Variants in SORT1 observed in about 807,000 individuals in gnomAD.
The protein encoded by SORT1 is sortilin 1, also known as sortilin.
Under a neutral mutation model 101.7 loss-of-function variants are expected in SORT1, and 39 were observed. The ratio of observed to expected loss-of-function variants is 0.38; its 90% CI spans 0.30 to 0.50. The LOEUF (loss-of-function observed/expected upper bound fraction) is 0.50, where lower values mean the gene tolerates loss of function less well. SORT1 is among the 20% of genes least tolerant of loss of function. The pLI is 0.90. For missense variants in SORT1, 878 were observed against 1,040.4 expected (o/e 0.84, Z 2.15); for synonymous variants, 396 against 393.7 (o/e 1.01, Z -0.07).
At chr1:109,361,721 T>C (rs777955629) in intron 3 of SORT1, among the ~76,000 whole-genome samples, 1 of 152,230 alleles carries the variant, frequency 6.6e-6, no homozygotes, top group Non-Finnish European at 1.5e-5. Flanking sequence ...TCATTATTCA[T>C]GGATTCTATA....
chr1:109,335,106 G>A (rs966070850), intron 11 of SORT1, among the ~76,000 whole-genome samples: 6 of 152,120 alleles, frequency 3.9e-5, no homozygotes, highest in African/African-American at 1.4e-4. Context: ...GAATAGTGTG[G>A]GTGTTCAGGG....
chr1:109,360,028 C>T (rs1001080681), intron 3 of SORT1, among the ~76,000 whole-genome samples: 1 of 152,044 alleles, frequency 6.6e-6, no homozygotes, highest in Non-Finnish European at 1.5e-5. Flanking sequence ...ATGGAAAAGA[C>T]GAAAGGTGAC....
At chr1:109,326,759 A>T (rs554904795) in intron 13 of SORT1, 134 of 366,096 alleles carry the variant, frequency 3.7e-4, no homozygotes, top group Non-Finnish European at 5.3e-4. Flanking sequence ...CCCAACCCAG[A>T]AAGAATGTTT....
At chr1:109,374,669 G>A (rs757939667) in intron 1 of SORT1, among the ~76,000 whole-genome samples, 3 of 151,534 alleles carry the variant, frequency 2.0e-5, no homozygotes, top group Non-Finnish European at 4.4e-5. Flanking sequence ...GAAATGAAAA[G>A]TACACTGGAT....
intron 1 of SORT1, chr1:109,392,766 T>A (rs1051823814): frequency 1.0e-6 from 1 of 984,704 alleles, no homozygotes; most frequent in African/African-American, 1.7e-5. Context: ...TTAACATCCC[T>A]CTAGGGGCTA....
intron 9 of SORT1, among the ~76,000 whole-genome samples, chr1:109,341,341 T>G (rs1299470923): frequency 6.6e-6 from 1 of 151,956 alleles, no homozygotes; most frequent in Non-Finnish European, 1.5e-5. Flanking sequence ...AAACAAAATA[T>G]ATGCCCCTAA....
chr1:109,317,835 G>C lies in SORT1; in HGVS notation c.2141+18C>G. 1 of 1,490,674 alleles carries C rather than the reference G, an allele frequency of 6.7e-7. No homozygotes were observed. Among genetic ancestry groups the C allele is most frequent in the Non-Finnish European group, 9.4e-7 (1 of 1,069,100 alleles). 92.3% of individuals were successfully genotyped at this position (1,490,674 alleles called of 1,614,324 possible). On this transcript the variant is annotated intron_variant, in intron 16 of 19. Transcript: ENST00000256637. ...GAACACCTCATCCATCGTGACAAGG[G>C]AGAAAAGGCCACCTCACCCATTTGT...
intron 10 of SORT1, 42 bp downstream of exon 10, chr1:109,340,682 G>A: frequency 6.2e-7 from 1 of 1,605,936 alleles, no homozygotes; most frequent in Non-Finnish European, 8.5e-7. Context: ...CCTACCACAT[G>A]CAGCTGAAGG....
At chr1:109,353,660 C>T (rs1650113749) in intron 5 of SORT1, among the ~76,000 whole-genome samples, 1 of 152,158 alleles carries the variant, frequency 6.6e-6, no homozygotes, top group African/African-American at 2.4e-5. Context: ...AAGGGATGTG[C>T]CTCTTGAACT....
Position 109,323,103 on chromosome 1 carries a change from G to C in SORT1, c.1853C>G (p.Thr618Ser), listed in dbSNP as rs1647750712. 6.2e-7 allele frequency: 1 copy of C among 1,613,782 alleles called. No individual in the cohort carries two copies. Among genetic ancestry groups the C allele is most frequent in the Non-Finnish European group, 8.5e-7 (1 of 1,179,796 alleles). ...LERNCEEKDY[T>S]IWLAHSTDPE... ...GTCTGTGGAGTGTGCCAGCCATATG[G>C]TATAGTCCTTCTCTTCACCTAAAGG... The change falls in exon 15 of 20, where the codon ACC becomes AGC. Residue 618 changes from threonine (T) to serine (S), a missense_variant. Coordinates refer to ENST00000256637, the MANE Select transcript of SORT1 (RefSeq NM_002959.7).
chr1:109,317,290 G>T (rs1263809977), intron 16 of SORT1, among the ~76,000 whole-genome samples: 1 of 152,204 alleles, frequency 6.6e-6, no homozygotes, highest in African/African-American at 2.4e-5. Context: ...GCGAGGTAAT[G>T]AGGCCCGTCT....
At position 109,395,973 on chromosome 1, in the gene SORT1, A is replaced by C. The variant is rs371432914; in HGVS notation, c.306+1614T>G. On this transcript the variant is annotated intron_variant, in intron 1 of 19. Transcript: ENST00000256637. ...GGTGCATGTACCAGTAGTCCCGGCT[A>C]CTTGGGAGGCTGAGGTGAGAGGATC... Among the ~76,000 whole-genome samples, 10 of 152,182 alleles carry C rather than the reference A, an allele frequency of 6.6e-5. No homozygotes were observed. The East Asian group carries it at 1.9e-3, about 29-fold the overall frequency.
At chr1:109,334,904 T>C (rs1442341979) in intron 11 of SORT1, among the ~76,000 whole-genome samples, 1 of 152,170 alleles carries the variant, frequency 6.6e-6, no homozygotes, top group Non-Finnish European at 1.5e-5. Flanking sequence ...GGGTTCAAAA[T>C]GGCTAAAATG....
intron 1 of SORT1, among the ~76,000 whole-genome samples, chr1:109,390,983 A>G (rs1486446680): frequency 6.6e-6 from 1 of 152,094 alleles, no homozygotes; most frequent in Non-Finnish European, 1.5e-5. Flanking sequence ...CTGACCATCT[A>G]TTTTCAAACA....
intron 7 of SORT1, among the ~76,000 whole-genome samples, chr1:109,346,897 A>C (rs1346322354): frequency 6.6e-6 from 1 of 152,092 alleles, no homozygotes; most frequent in Non-Finnish European, 1.5e-5. Flanking sequence ...GCTGTCCTTG[A>C]ACTTCTGGGC....
intron 2 of SORT1, 56 bp downstream of exon 2, chr1:109,369,474 A>T: frequency 8.7e-7 from 1 of 1,148,390 alleles, no homozygotes; most frequent in Non-Finnish European, 1.3e-6. Flanking sequence ...ACCCTTCCCC[A>T]AATCTGTTAT....
At chr1:109,314,430 T>G (rs570034626) in intron 18 of SORT1, 46 bp from the exon 19 acceptor site, 1 of 1,604,568 alleles carries the variant, frequency 6.2e-7, no homozygotes, top group Admixed American at 1.7e-5. Context: ...ACAGCAGGGG[T>G]GCACTTCTTA....
chr1:109,331,305 T>C (rs1648439262), intron 11 of SORT1, among the ~76,000 whole-genome samples: 1 of 152,204 alleles, frequency 6.6e-6, no homozygotes, highest in African/African-American at 2.4e-5. Flanking sequence ...AATGCAAGGA[T>C]GGTTCAACAT....
intron 3 of SORT1, among the ~76,000 whole-genome samples, chr1:109,358,594 G>A (rs990172572): frequency 6.6e-6 from 1 of 152,146 alleles, no homozygotes; most frequent in Admixed American, 6.5e-5. Context: ...GGTGGCTCAT[G>A]CCTGTAATCC....
Sources: gnomAD v4.1 joint callset for allele counts (sites outside exome capture counted in the v4.1 genomes callset) on GRCh38, gnomAD v4.1.1 for gene constraint, MANE v1.5 for transcripts, NCBI Gene and HGNC (gene_info 2026-07-23, HGNC 2026-07-21) for gene names.